DENND1A: variants seen among roughly 807,000 people sequenced by gnomAD.
DENND1A encodes the protein DENN domain containing 1A, also known as DENN domain-containing protein 1A.
DENND1A carries 51 observed loss-of-function variants against 113.7 expected under a neutral mutation model. The ratio of observed to expected loss-of-function variants is 0.45; its 90% CI spans 0.36 to 0.57. DENND1A has a LOEUF of 0.57. Ranked by LOEUF, DENND1A falls within the 20% of genes least tolerant of loss-of-function variation. The probability of loss-of-function intolerance (pLI) is 0.00; values close to 1 mark genes in which losing one functional copy is unlikely to be tolerated. For missense variants in DENND1A, 1,258 were observed against 1,395.9 expected (o/e 0.90, Z 1.57); for synonymous variants, 565 against 570.8 (o/e 0.99, Z 0.14).
chr9:123,866,859 T>C (rs1015818014), intron 2 of DENND1A, among the ~76,000 whole-genome samples: 3 of 152,214 alleles, frequency 2.0e-5, no homozygotes, highest in Admixed American at 6.5e-5. Context: ...AATCTGAACC[T>C]AAGTCTGTTT....
chr9:123,911,509 A>C (rs558171177), intron 1 of DENND1A, among the ~76,000 whole-genome samples: 4 of 152,342 alleles, frequency 2.6e-5, no homozygotes, highest in African/African-American at 9.6e-5. Context: ...AAAAATGGGA[A>C]TCGTACTACG....
intron 2 of DENND1A, chr9:123,843,238 C>T: frequency 2.0e-6 from 1 of 506,024 alleles, no homozygotes; most frequent in Non-Finnish European, 3.9e-6. Flanking sequence ...AATGCATCCC[C>T]TAAAAAAGTT....
intron 13 of DENND1A, among the ~76,000 whole-genome samples, chr9:123,484,601 T>C (rs1462831279): frequency 6.6e-6 from 1 of 152,206 alleles, no homozygotes; most frequent in Non-Finnish European, 1.5e-5. Context: ...CTTCCTGCCT[T>C]GTTGCCCCTT....
intron 2 of DENND1A, among the ~76,000 whole-genome samples, chr9:123,878,029 C>G (rs1426983093): frequency 6.6e-6 from 1 of 151,550 alleles, no homozygotes; most frequent in Non-Finnish European, 1.5e-5. Context: ...CACGGAGAAG[C>G]CCTGTCTCTA....
chr9:123,916,882 G>GA (rs1408710900), intron 1 of DENND1A, among the ~76,000 whole-genome samples: 3 of 151,680 alleles, frequency 2.0e-5, no homozygotes, highest in Admixed American at 2.0e-4. Context: ...CAGATTAAAA[G>GA]AAAAAATTAT....
At chr9:123,816,202 A>T (rs1478747926) in intron 2 of DENND1A, among the ~76,000 whole-genome samples, 1 of 151,934 alleles carries the variant, frequency 6.6e-6, no homozygotes, top group Non-Finnish European at 1.5e-5. Context: ...GGGTTTCACC[A>T]TGTTTGTCAG....
intron 2 of DENND1A, among the ~76,000 whole-genome samples, chr9:123,829,787 A>C (rs911169949): frequency 6.6e-6 from 1 of 152,160 alleles, no homozygotes; most frequent in African/African-American, 2.4e-5. Flanking sequence ...AGTTCTTCCA[A>C]CCTTTTAAGG....
At chr9:123,883,227 T>G (rs1469210115) in intron 1 of DENND1A, among the ~76,000 whole-genome samples, 3 of 152,238 alleles carry the variant, frequency 2.0e-5, no homozygotes, top group Non-Finnish European at 2.9e-5. Flanking sequence ...ACAGTCAGTC[T>G]CCTTTCTCTA....
intron 3 of DENND1A, among the ~76,000 whole-genome samples, chr9:123,791,182 T>C (rs538201965): frequency 3.3e-5 from 5 of 152,282 alleles, no homozygotes; most frequent in African/African-American, 9.6e-5. Context: ...CAAAGGTTAT[T>C]TACCTAGACA....
At chr9:123,401,975 C>G (rs2043508312) in intron 21 of DENND1A, 1 of 1,608,742 alleles carries the variant, frequency 6.2e-7, no homozygotes, top group Non-Finnish European at 8.5e-7. Flanking sequence ...GACCCTGTAT[C>G]CTGGTACAGT....
At chr9:123,904,561 C>T (rs547701527) in intron 1 of DENND1A, among the ~76,000 whole-genome samples, 3 of 145,828 alleles carry the variant, frequency 2.1e-5, no homozygotes, top group South Asian at 2.2e-4. Context: ...TCGAGAACTA[C>T]GTGAAGAATG....
intron 16 of DENND1A, among the ~76,000 whole-genome samples, chr9:123,453,359 C>T (rs765929385): frequency 3.9e-5 from 6 of 152,020 alleles, no homozygotes; most frequent in African/African-American, 9.7e-5. Context: ...ATGTAGGAGA[C>T]GGGAGGAGAA....
chr9:123,659,982 C>T (rs2063147839), intron 8 of DENND1A, among the ~76,000 whole-genome samples: 1 of 152,172 alleles, frequency 6.6e-6, no homozygotes, highest in Non-Finnish European at 1.5e-5. Flanking sequence ...GGCTTTCCTG[C>T]TTCATTTTGT....
intron 13 of DENND1A, among the ~76,000 whole-genome samples, chr9:123,482,158 C>T (rs1467140229): frequency 1.3e-5 from 2 of 152,158 alleles, no homozygotes; most frequent in East Asian, 1.9e-4. Flanking sequence ...AGCGCAGTGG[C>T]GCGATCTTGG....
chr9:123,446,068 C>G (rs964470724), intron 18 of DENND1A, among the ~76,000 whole-genome samples: 1 of 152,196 alleles, frequency 6.6e-6, no homozygotes. Flanking sequence ...TAACATCCTA[C>G]ACAACCAGCA....
intron 11 of DENND1A, among the ~76,000 whole-genome samples, chr9:123,594,888 A>G (rs2059615952): frequency 6.6e-6 from 1 of 152,218 alleles, no homozygotes; most frequent in African/African-American, 2.4e-5. Context: ...AATAAGAGGG[A>G]AAGTGGATAG....
intron 13 of DENND1A, among the ~76,000 whole-genome samples, chr9:123,525,879 C>T (rs2054798981): frequency 6.6e-6 from 1 of 151,522 alleles, no homozygotes; most frequent in Non-Finnish European, 1.5e-5. Flanking sequence ...CCACCTCAGC[C>T]CCTTAGTCAC....
intron 19 of DENND1A, chr9:123,414,337 T>C: frequency 2.1e-6 from 3 of 1,413,656 alleles, no homozygotes; most frequent in Non-Finnish European, 2.8e-6. Context: ...CAGGTTTCCC[T>C]GCCTCCAGCC....
In DENND1A at chr9:123,542,981, A is replaced by G. The variant is rs141274829; in HGVS notation, c.993+14589T>C. ...ACTGACACACTGATTAAGCTGCTGG[A>G]CCTAGAGGACCAAGTAGAGCAGCCT... On this transcript the variant is annotated intron_variant, in intron 13 of 23. Coordinates refer to ENST00000394215, the MANE Select transcript of DENND1A (RefSeq NM_001352964.2). 2.0e-4 allele frequency among the ~76,000 whole-genome samples: 30 copies of G among 152,322 alleles called. 1 individual carries two copies. In the East Asian group the frequency reaches 5.6e-3, roughly 28 times the overall value.
Sources: gnomAD v4.1 joint callset for allele counts (sites outside exome capture counted in the v4.1 genomes callset) on GRCh38, gnomAD v4.1.1 for gene constraint, MANE v1.5 for transcripts, NCBI Gene and HGNC (gene_info 2026-07-23, HGNC 2026-07-21) for gene names.